The following HCN1 variants were observed in gnomAD, a reference collection of about 807,000 sequenced individuals.
HCN1 encodes the protein potassium/sodium hyperpolarization-activated cyclic nucleotide-gated channel 1.
Under a neutral mutation model 78.9 loss-of-function variants are expected in HCN1, and 13 were observed. The observed-to-expected ratio is 0.16, with a 90% CI of 0.11 to 0.26. The LOEUF is 0.26. Among genes scored for constraint, HCN1 ranks in the 10% least tolerant of loss-of-function variants. HCN1 has a pLI of 1.00. For missense variants in HCN1, 810 were observed against 1,154.3 expected, an observed-to-expected ratio of 0.70 and a Z score of 4.32; for synonymous variants, 552 against 455.5, an observed-to-expected ratio of 1.21 and a Z score of -2.70.
intron 3 of HCN1, among the ~76,000 whole-genome samples, chr5:45,443,951 A>C (rs1740732954): frequency 1.3e-5 from 2 of 152,152 alleles, no homozygotes; most frequent in South Asian, 4.1e-4. Context: ...GATCTGCCAT[A>C]ATGAGTAATA....
At chr5:45,371,908 A>G (rs1561127570) in intron 4 of HCN1, among the ~76,000 whole-genome samples, 4 of 104,378 alleles carry the variant, frequency 3.8e-5, no homozygotes, top group South Asian at 5.3e-4. Context: ...ATTATATTAT[A>G]AAAAATATAT....
At chr5:45,406,285 A>G (rs1253639795) in intron 3 of HCN1, among the ~76,000 whole-genome samples, 2 of 152,162 alleles carry the variant, frequency 1.3e-5, no homozygotes, top group Non-Finnish European at 2.9e-5. Context: ...CATATTTTAC[A>G]TATGTTTATA....
rs113476228 is a variant in HCN1, at chr5:45,276,596, T to G, written c.1619-9343A>C. On this transcript the variant is annotated intron_variant, in intron 6 of 7. Coordinates refer to ENST00000303230, the MANE Select transcript of HCN1 (RefSeq NM_021072.4). The stretch of plus-strand genomic sequence containing the variant: ...AATTCAAGTTAACCACCATTTTCCC[T>G]GCAACCTGTACCTTAGGCAATTGTG... 6.8e-3 allele frequency among the ~76,000 whole-genome samples: 1,040 copies of G among 152,254 alleles called. 8 individuals carry two copies. The highest frequency in any genetic ancestry group is 0.024 in the African/African-American group (1,002 of 41,558).
intron 5 of HCN1, among the ~76,000 whole-genome samples, chr5:45,329,182 T>G (rs900182033): frequency 3.3e-5 from 5 of 151,346 alleles, no homozygotes; most frequent in African/African-American, 1.2e-4. Flanking sequence ...ACATTCACTA[T>G]GTAATATCCT....
chr5:45,672,567 TA>T (rs1312900071), intron 1 of HCN1, among the ~76,000 whole-genome samples: 11,168 of 130,330 alleles, frequency 0.086, 520 homozygotes, highest in Middle Eastern at 0.17. Flanking sequence ...GCGAATTAAG[TA>T]AAAAAAAAAA....
chr5:45,438,453 T>C (rs763169723), intron 3 of HCN1, among the ~76,000 whole-genome samples: 18 of 151,214 alleles, frequency 1.2e-4, no homozygotes, highest in Non-Finnish European at 2.4e-4. Context: ...TTAGCGGGCG[T>C]GGTGTCAGGT....
intron 5 of HCN1, among the ~76,000 whole-genome samples, chr5:45,337,605 T>C (rs1746490312): frequency 6.6e-6 from 1 of 152,176 alleles, no homozygotes; most frequent in African/African-American, 2.4e-5. Context: ...ATCTGAGGGT[T>C]GGAGTCATAG....
intron 3 of HCN1, among the ~76,000 whole-genome samples, chr5:45,435,482 C>T (rs1395256888): frequency 1.3e-5 from 2 of 151,996 alleles, no homozygotes; most frequent in South Asian, 2.1e-4. Flanking sequence ...AGGTTCTAGA[C>T]AATTAGAAAA....
In HCN1 at chr5:45,262,075, G is replaced by T; in HGVS notation, c.2519C>A (p.Thr840Asn). ...TCCCGACGACATCTGTCGGAAGAGG[G>T]TGACGCGCTGCGGGACAGTGCTCCT... Reference protein sequence around the residue: ...GGRSTVPQRVTLFRQMSSGAI... With the variant: ...GGRSTVPQRVNLFRQMSSGAI... The change falls in exon 8 of 8, where the codon ACC becomes AAC. Residue 840 changes from threonine to asparagine, a missense_variant. By Grantham distance (65) the Thr-to-Asn change is moderately conservative. This residue lies in a region of HCN1 where 398 missense variants were observed against 381.3 expected (regional missense o/e 1.04). Transcript: ENST00000303230. 1 of 1,613,742 alleles carries T rather than the reference G, an allele frequency of 6.2e-7. No individual in the cohort carries two copies.
intron 2 of HCN1, among the ~76,000 whole-genome samples, chr5:45,553,952 G>A (rs1369794834): frequency 6.6e-6 from 1 of 151,840 alleles, no homozygotes; most frequent in Non-Finnish European, 1.5e-5. Context: ...GATTCTATTA[G>A]TCATATTCTC....
intron 4 of HCN1, among the ~76,000 whole-genome samples, chr5:45,391,717 C>A (rs1470515865): frequency 6.6e-6 from 1 of 152,058 alleles, no homozygotes; most frequent in African/African-American, 2.4e-5. Flanking sequence ...ATGCCTCTTG[C>A]TCCCAGGGAA....
intron 1 of HCN1, among the ~76,000 whole-genome samples, chr5:45,668,201 A>C (rs546122275): frequency 6.6e-6 from 1 of 152,044 alleles, no homozygotes; most frequent in Admixed American, 6.6e-5. Context: ...ATCAAAATAG[A>C]TAGCTACTGA....
At chr5:45,687,256 G>C (rs958222338) in intron 1 of HCN1, among the ~76,000 whole-genome samples, 1 of 152,082 alleles carries the variant, frequency 6.6e-6, no homozygotes, top group Non-Finnish European at 1.5e-5. Flanking sequence ...CTTTCATGAT[G>C]CTAAGTATTC....
intron 3 of HCN1, among the ~76,000 whole-genome samples, chr5:45,407,753 A>G (rs1579874363): frequency 6.6e-6 from 1 of 151,866 alleles, no homozygotes; most frequent in Non-Finnish European, 1.5e-5. Context: ...CAGGTGATCT[A>G]CCTGCCTCAG....
At chr5:45,581,959 C>T (rs1378846318) in intron 2 of HCN1, among the ~76,000 whole-genome samples, 1 of 152,156 alleles carries the variant, frequency 6.6e-6, no homozygotes, top group Non-Finnish European at 1.5e-5. Context: ...TAGTGTGATG[C>T]CTCCAGCTTT....
intron 2 of HCN1, among the ~76,000 whole-genome samples, chr5:45,544,257 T>A (rs1185458613): frequency 6.6e-6 from 1 of 152,082 alleles, no homozygotes; most frequent in Non-Finnish European, 1.5e-5. Context: ...AAGTTCAGAA[T>A]GAATTAGTTT....
At chr5:45,616,734 C>T (rs931352619) in intron 2 of HCN1, among the ~76,000 whole-genome samples, 9 of 151,896 alleles carry the variant, frequency 5.9e-5, no homozygotes, top group African/African-American at 2.2e-4. Flanking sequence ...AAAAAACAAA[C>T]TTGGTTGATT....
intron 4 of HCN1, among the ~76,000 whole-genome samples, chr5:45,387,533 G>A (rs943930041): frequency 6.6e-5 from 10 of 151,636 alleles, no homozygotes; most frequent in Non-Finnish European, 1.0e-4. Context: ...TTACTTAGGG[G>A]CACTTCATTA....
chr5:45,616,417 G>T (rs569983126), intron 2 of HCN1, among the ~76,000 whole-genome samples: 20 of 151,952 alleles, frequency 1.3e-4, no homozygotes, highest in African/African-American at 4.8e-4. Flanking sequence ...ATAGTCACAA[G>T]GACAATAAAC....
Sources: gnomAD v4.1 joint callset for allele counts (sites outside exome capture counted in the v4.1 genomes callset) on GRCh38, gnomAD v4.1.1 for gene constraint, gnomAD v4.1.1 regional missense constraint, MANE v1.5 for transcripts, NCBI Gene and HGNC (gene_info 2026-07-23, HGNC 2026-07-21) for gene names.